Variants in TECPR2 observed in about 807,000 individuals in gnomAD.
The protein encoded by TECPR2 is tectonin beta-propeller repeat containing 2.
TECPR2 carries 65 observed loss-of-function variants against 138.1 expected under a neutral mutation model. That is an observed-to-expected ratio of 0.47 (90% CI 0.39 to 0.58). TECPR2 has a LOEUF of 0.58. TECPR2 is among the 20% of genes least tolerant of loss of function. The pLI is 0.00. For missense variants in TECPR2, 1,553 were observed against 1,824.5 expected (o/e 0.85, Z 2.71); for synonymous variants, 746 against 749.8 (o/e 0.99, Z 0.08).
intron 17 of TECPR2, among the ~76,000 whole-genome samples, chr14:102,467,924 C>CAGTT (rs1175332057): frequency 1.3e-5 from 2 of 151,538 alleles, no homozygotes; most frequent in Non-Finnish European, 2.9e-5. Context: ...GCAATCTCTG[C>CAGTT]CTCCTGGGTT....
At chr14:102,374,921 AAGAG>A (rs1240538925) in intron 1 of TECPR2, among the ~76,000 whole-genome samples, 1 of 151,778 alleles carries the variant, frequency 6.6e-6, no homozygotes, top group Non-Finnish European at 1.5e-5. Flanking sequence ...CTGCGGGGGG[AAGAG>A]GGGTGAGTGA....
rs1889616672 is a variant in TECPR2 at position 102,434,901 on chromosome 14, C to T, written c.2084C>T (p.Thr695Ile). ...TSMEASGHLS[T>I]NLWHAVTDDD... ...ATGGAGGCCTCTGGCCACCTCAGCA[C>T]AAATCTCTGGCATGCTGTCACTGAT... is the stretch of plus-strand genomic sequence containing the variant. The change falls in exon 9 of 20, where the codon ACA (threonine) becomes ATA (isoleucine). Residue 695 changes from threonine (T) to isoleucine (I), a missense_variant. Physicochemically the swap from Thr to Ile is moderately conservative, Grantham distance 89 (BLOSUM62 -1). Coordinates refer to ENST00000359520, the MANE Select transcript of TECPR2 (RefSeq NM_014844.5). 1.9e-6 allele frequency: 3 copies of T among 1,613,644 alleles called. No individual in the cohort carries two copies. Among genetic ancestry groups the T allele is most frequent in the Non-Finnish European group, 2.5e-6 (3 of 1,180,052 alleles).
chr14:102,480,821 G>GCTAA (rs2139786021), intron 17 of TECPR2, among the ~76,000 whole-genome samples: 1 of 132,532 alleles, frequency 7.5e-6, no homozygotes, highest in East Asian at 2.5e-4. Flanking sequence ...TGCCTGGCCA[G>GCTAA]TTTTGTTTTT....
intron 11 of TECPR2, among the ~76,000 whole-genome samples, chr14:102,441,279 A>G (rs1345814152): frequency 6.6e-6 from 1 of 150,676 alleles, no homozygotes; most frequent in African/African-American, 2.4e-5. Context: ...TATGTCGGCC[A>G]GGCTGGTCTT....
Position 102,438,124 on chromosome 14 carries a change from T to C in TECPR2, c.2497T>C (p.Phe833Leu), listed in dbSNP as rs1174721141. 2 of 1,613,976 alleles carry C rather than the reference T, an allele frequency of 1.2e-6. No homozygotes were observed. Among genetic ancestry groups the C allele is most frequent in the Admixed American group, 3.3e-5 (2 of 60,014 alleles). The change falls in exon 10 of 20, where the codon TTC becomes CTC. Residue 833 changes from phenylalanine to leucine, a missense_variant. By Grantham distance (22) the Phe-to-Leu change is conservative. Transcript: ENST00000359520. Reference protein sequence around the residue: ...IWCLDYKGGLFCSALPGAGLR... With the variant: ...IWCLDYKGGLLCSALPGAGLR... ...GTGCCTGGACTACAAAGGCGGCCTGTTCTGCAGCGCGTTGCCGGGCGCCGG... is the reference window on the plus strand; with the variant it reads ...GTGCCTGGACTACAAAGGCGGCCTGCTCTGCAGCGCGTTGCCGGGCGCCGG...
chr14:102,407,425 GT>G lies in TECPR2; in HGVS notation c.312del (p.Gln105AsnfsTer36). 1 of 1,613,616 alleles carries G rather than the reference GT, an allele frequency of 6.2e-7. No individual in the cohort carries two copies. The highest frequency in any genetic ancestry group is 1.1e-5 in the South Asian group (1 of 90,942). ...AAGTASGRVA[V>X]FQLVSSLPGR... Reference sequence around the variant, plus strand: ...AGGCACAGCCTCTGGCAGGGTTGCAGTTTTTCAACTTGTATCTTCATTGCCA... The same window carrying G: ...AGGCACAGCCTCTGGCAGGGTTGCAGTTTTCAACTTGTATCTTCATTGCCA... On this transcript the variant is annotated frameshift_variant, in exon 3 of 20. Transcript: ENST00000359520. LOFTEE classifies it high-confidence loss of function.
chr14:102,406,167 A>G (rs1418932282), intron 2 of TECPR2, among the ~76,000 whole-genome samples: 3 of 152,230 alleles, frequency 2.0e-5, no homozygotes, highest in East Asian at 1.9e-4. Context: ...ATTGAAGAGC[A>G]TTATGAATGT....
Position 102,419,099 on chromosome 14 carries a change from A to G in TECPR2, c.638+4306A>G, listed in dbSNP as rs1889105505. 6.6e-6 allele frequency among the ~76,000 whole-genome samples: 1 copy of G among 151,642 alleles called. No individual in the cohort carries two copies. Among genetic ancestry groups the G allele is most frequent in the Non-Finnish European group, 1.5e-5 (1 of 67,954 alleles). ...CATGCAGACAGGAGCTCGCCTAGGG[A>G]GATTTGGGCAGGCTTGTGTTCTGAA... On this transcript the variant is annotated intron_variant, in intron 5 of 19. Coordinates refer to ENST00000359520, the MANE Select transcript of TECPR2 (RefSeq NM_014844.5). This position sits in a 1 kb window ranked among gnomAD's most constrained non-coding sequence, Gnocchi z 4.8.
intron 2 of TECPR2, among the ~76,000 whole-genome samples, chr14:102,403,490 CTTCAG>C: frequency 6.6e-6 from 1 of 152,186 alleles, no homozygotes; most frequent in Non-Finnish European, 1.5e-5. Context: ...GCTTTTGTCA[CTTCAG>C]TTCAACACAG....
intron 17 of TECPR2, among the ~76,000 whole-genome samples, chr14:102,475,330 G>T (rs1185533695): frequency 6.6e-6 from 1 of 152,192 alleles, no homozygotes; most frequent in African/African-American, 2.4e-5. Flanking sequence ...TGGGAGACTG[G>T]CACAGGCCGG....
At chr14:102,496,015 T>A (rs966235244) in intron 17 of TECPR2, among the ~76,000 whole-genome samples, 1 of 152,202 alleles carries the variant, frequency 6.6e-6, no homozygotes, top group Non-Finnish European at 1.5e-5. Context: ...GCACAGGGCA[T>A]CCAGTGTGAT....
intron 2 of TECPR2, among the ~76,000 whole-genome samples, chr14:102,399,498 T>C (rs1888412905): frequency 6.6e-6 from 1 of 152,042 alleles, no homozygotes; most frequent in African/African-American, 2.4e-5. Flanking sequence ...CAGAGGGAAA[T>C]TAAAGGATAT....
intron 17 of TECPR2, among the ~76,000 whole-genome samples, chr14:102,475,304 C>A (rs927828097): frequency 2.0e-5 from 3 of 152,146 alleles, no homozygotes; most frequent in African/African-American, 7.2e-5. Flanking sequence ...GCCCAGGGTG[C>A]AGAAAGGGGC....
intron 4 of TECPR2, among the ~76,000 whole-genome samples, chr14:102,414,089 T>C (rs757740190): frequency 1.1e-4 from 17 of 152,234 alleles, no homozygotes; most frequent in Non-Finnish European, 2.2e-4. Flanking sequence ...AACCTTCTGT[T>C]TTCTATTACC....
rs1262493542 is a variant in TECPR2 at position 102,443,128 on chromosome 14, A to C, written c.2753-519A>C. On this transcript the variant is annotated intron_variant, in intron 11 of 19. Coordinates refer to ENST00000359520, the MANE Select transcript of TECPR2 (RefSeq NM_014844.5). The surrounding 1 kb of genome is among the most constrained non-coding windows in gnomAD (Gnocchi z 4.9). ...GCCTCAGGTCCCTGCCAACTCCAGC[A>C]GCGCTGCAGCCCTCTGCCTGGAAGA... Among the ~76,000 whole-genome samples, 1 of 152,238 alleles carries C rather than the reference A, an allele frequency of 6.6e-6. No individual in the cohort carries two copies. The highest frequency in any genetic ancestry group is 6.5e-5 in the Admixed American group (1 of 15,282).
chr14:102,376,994 A>C (rs1887659911), intron 2 of TECPR2, 54 bp downstream of exon 2: 5 of 1,551,936 alleles, frequency 3.2e-6, no homozygotes, highest in Non-Finnish European at 4.4e-6. Context: ...GCTGACGCTT[A>C]ACATGCTTGT....
At chr14:102,442,333 C>G (rs955792535) in intron 11 of TECPR2, among the ~76,000 whole-genome samples, 2 of 152,252 alleles carry the variant, frequency 1.3e-5, no homozygotes, top group Non-Finnish European at 2.9e-5. Context: ...CAGGTTGAAG[C>G]TCTTGCACAG....
chr14:102,476,717 G>T (rs1009320759), intron 17 of TECPR2, among the ~76,000 whole-genome samples: 1 of 152,202 alleles, frequency 6.6e-6, no homozygotes, highest in African/African-American at 2.4e-5. Flanking sequence ...AAATAATTAT[G>T]CTGAGTCAAG....
intron 17 of TECPR2, among the ~76,000 whole-genome samples, chr14:102,471,617 G>T (rs1219340228): frequency 2.6e-5 from 4 of 151,858 alleles, no homozygotes. Flanking sequence ...TAGGAGAATT[G>T]CTTGAGCCCA....
Sources: gnomAD v4.1 joint callset for allele counts (sites outside exome capture counted in the v4.1 genomes callset) on GRCh38, gnomAD v4.1.1 for gene constraint, Gnocchi (gnomAD v3.1) non-coding constraint, MANE v1.5 for transcripts, NCBI Gene and HGNC (gene_info 2026-07-23, HGNC 2026-07-21) for gene names.